Variants in MMP26 observed in about 807,000 individuals in gnomAD.
The protein encoded by MMP26 is matrix metallopeptidase 26.
A neutral mutation model predicts 31.0 loss-of-function variants in MMP26; 33 were observed. The ratio of observed to expected loss-of-function variants is 1.06; its 90% CI spans 0.81 to 1.42. MMP26 has a LOEUF of 1.42. Among genes scored for constraint, MMP26 ranks in the 40% most tolerant of loss-of-function variants. The pLI, the probability that MMP26 is intolerant of heterozygous loss-of-function variation, is 0.00. For missense variants in MMP26, 347 were observed against 316.1 expected (o/e 1.10, Z -0.74); for synonymous variants, 122 against 114.9 (o/e 1.06, Z -0.40).
At chr11:4,958,402 A>G (rs906129397) in intron 2 of MMP26, among the ~76,000 whole-genome samples, 1 of 152,126 alleles carries the variant, frequency 6.6e-6, no homozygotes, top group South Asian at 2.1e-4. Flanking sequence ...GCTGGTTACA[A>G]TCTCATATGA....
chr11:4,853,684 T>C (rs147337991), intron 2 of MMP26, among the ~76,000 whole-genome samples: 119 of 152,304 alleles, frequency 7.8e-4, no homozygotes, highest in African/African-American at 2.5e-3. Context: ...AAGGTCCAGA[T>C]GATTTCATGG....
intron 2 of MMP26, among the ~76,000 whole-genome samples, chr11:4,865,629 C>T (rs1054718760): frequency 2.0e-5 from 3 of 151,964 alleles, no homozygotes; most frequent in Non-Finnish European, 4.4e-5. Flanking sequence ...TGTTCTTCTT[C>T]GCAGAGGAGT....
chr11:4,910,472 C>T (rs1268085292), intron 2 of MMP26, among the ~76,000 whole-genome samples: 2 of 152,084 alleles, frequency 1.3e-5, no homozygotes, highest in Non-Finnish European at 2.9e-5. Context: ...AGGGTGCACT[C>T]TGCCTACCAC....
chr11:4,810,685 C>T (rs77559411), intron 2 of MMP26, among the ~76,000 whole-genome samples: 2 of 152,152 alleles, frequency 1.3e-5, no homozygotes, highest in Non-Finnish European at 2.9e-5. Flanking sequence ...GCGTGATTAT[C>T]CAGATAGGTG....
intron 2 of MMP26, among the ~76,000 whole-genome samples, chr11:4,964,294 G>A (rs1846560636): frequency 6.6e-6 from 1 of 152,118 alleles, no homozygotes; most frequent in Non-Finnish European, 1.5e-5. Context: ...TATATATGGT[G>A]TAAGGGGGAC....
chr11:4,904,311 G>T (rs1850849665), intron 2 of MMP26, among the ~76,000 whole-genome samples: 2 of 152,044 alleles, frequency 1.3e-5, no homozygotes. Context: ...TTAAACCAAG[G>T]TGTTTGTGCG....
intron 2 of MMP26, chr11:4,804,384 CT>C: frequency 6.2e-7 from 1 of 1,609,692 alleles, no homozygotes; most frequent in African/African-American, 1.3e-5. Flanking sequence ...GCACCATGGA[CT>C]GGTTAATATG....
chr11:4,865,152 T>C (rs1850217185), intron 2 of MMP26, among the ~76,000 whole-genome samples: 1 of 152,128 alleles, frequency 6.6e-6, no homozygotes, highest in Admixed American at 6.6e-5. Flanking sequence ...TATTCTCATT[T>C]TAAATTTCTT....
chr11:4,986,934 T>TCTCTCTCC (rs1564819735), intron 2 of MMP26, among the ~76,000 whole-genome samples: 19 of 98,826 alleles, frequency 1.9e-4, no homozygotes, highest in Non-Finnish European at 2.5e-4. Context: ...TCTCTCTCCC[T>TCTCTCTCC]CTCTCTCTCT....
In MMP26 at chr11:4,908,343, G is replaced by A. The variant is rs763805401; in HGVS notation, c.-144-79725G>A. The A allele has an allele frequency of 1.3e-5, 21 of 1,562,234 alleles. No homozygotes were observed. The East Asian group carries it at 4.7e-4, about 35-fold the overall frequency. On this transcript the variant is annotated intron_variant, in intron 2 of 7. Transcript: ENST00000380390. ...CAATTAGGTAATAAATTATCAACCA[G>A]TAGGCATTTACTGTCATTTGCTATG...
intron 2 of MMP26, among the ~76,000 whole-genome samples, chr11:4,956,417 A>G (rs1346554491): frequency 6.6e-6 from 1 of 152,220 alleles, no homozygotes; most frequent in East Asian, 1.9e-4. Flanking sequence ...TTACCAAGGA[A>G]ACTAAAACAA....
chr11:4,789,530 C>CCTTTTTTTTTTTTTT (rs1848993184), intron 2 of MMP26, among the ~76,000 whole-genome samples: 1 of 65,942 alleles, frequency 1.5e-5, no homozygotes. Flanking sequence ...TATCCCCCCA[C>CCTTTTTTTTTTTTTT]TTTTTTTTTT....
At chr11:4,771,076 G>A (rs1184284822) in intron 2 of MMP26, among the ~76,000 whole-genome samples, 1 of 152,174 alleles carries the variant, frequency 6.6e-6, no homozygotes, top group East Asian at 1.9e-4. Flanking sequence ...GTGAAGGCAA[G>A]GGGAGAAGTA....
At chr11:4,788,960 G>T (rs948640127) in intron 2 of MMP26, among the ~76,000 whole-genome samples, 2 of 152,070 alleles carry the variant, frequency 1.3e-5, no homozygotes, top group African/African-American at 4.8e-5. Flanking sequence ...ATTACCTAAC[G>T]CATGAGTTCC....
intron 2 of MMP26, among the ~76,000 whole-genome samples, chr11:4,886,239 T>A (rs1423695179): frequency 1.3e-5 from 2 of 152,154 alleles, no homozygotes; most frequent in South Asian, 2.1e-4. Context: ...TTGGTCTCCT[T>A]GTGTTGGCCA....
At chr11:4,882,322 GA>G (rs1850482145) in intron 2 of MMP26, 1 of 1,613,822 alleles carries the variant, frequency 6.2e-7, no homozygotes, top group African/African-American at 1.3e-5. Context: ...TCACAGACAG[GA>G]TGGTCCTGGT....
chr11:4,951,212 G>C (rs10837015), intron 2 of MMP26, among the ~76,000 whole-genome samples: 88,991 of 120,968 alleles, frequency 0.74, 38,632 homozygotes, highest in Middle Eastern at 0.88. Context: ...GAGCTCCCTG[G>C]GTGATTTTAA....
At chr11:4,720,369 A>G (rs954356528) in intron 1 of MMP26, among the ~76,000 whole-genome samples, 2 of 152,236 alleles carry the variant, frequency 1.3e-5, no homozygotes, top group South Asian at 4.1e-4. Context: ...ACAAGAAGCA[A>G]ATACAGAAAT....
intron 1 of MMP26, among the ~76,000 whole-genome samples, chr11:4,727,695 AGCTACTTG>A (rs1273712313): frequency 6.6e-6 from 1 of 152,162 alleles, no homozygotes; most frequent in Non-Finnish European, 1.5e-5. Flanking sequence ...CTGTAATCCC[AGCTACTTG>A]GAGGCTGAGG....
Sources: gnomAD v4.1 joint callset for allele counts (sites outside exome capture counted in the v4.1 genomes callset) on GRCh38, gnomAD v4.1.1 for gene constraint, MANE v1.5 for transcripts, NCBI Gene and HGNC (gene_info 2026-07-23, HGNC 2026-07-21) for gene names.